The following PLEKHG1 variants were observed in gnomAD, a reference collection of about 807,000 sequenced individuals.
The protein encoded by PLEKHG1 is pleckstrin homology and RhoGEF domain containing G1.
In PLEKHG1, 44 loss-of-function variants were observed where a neutral mutation model predicts 100.8. The ratio of observed to expected loss-of-function variants is 0.44; its 90% CI spans 0.34 to 0.56. The LOEUF (loss-of-function observed/expected upper bound fraction) is 0.56. Ranked by LOEUF, PLEKHG1 falls within the 20% of genes least tolerant of loss-of-function variation. PLEKHG1 has a pLI of 0.01. For synonymous variants in PLEKHG1, 640 were observed against 662.5 expected (o/e 0.97, Z 0.52); for missense variants, 1,545 against 1,720.9 (o/e 0.90, Z 1.81).
chr6:150,616,942 C>T (rs1777098575), intron 1 of PLEKHG1, among the ~76,000 whole-genome samples: 1 of 152,002 alleles, frequency 6.6e-6, no homozygotes, highest in Non-Finnish European at 1.5e-5. Flanking sequence ...AGAATTATGA[C>T]CTCAATTGAG....
chr6:150,727,789 G>A (rs1782036791), intron 1 of PLEKHG1, among the ~76,000 whole-genome samples: 1 of 152,118 alleles, frequency 6.6e-6, no homozygotes, highest in South Asian at 2.1e-4. Context: ...AGGGTCAAAA[G>A]ATATACCTGA....
At chr6:150,773,822 C>T (rs1784821568) in intron 3 of PLEKHG1, among the ~76,000 whole-genome samples, 1 of 152,178 alleles carries the variant, frequency 6.6e-6, no homozygotes, top group Admixed American at 6.5e-5. Context: ...GTCATCCCAT[C>T]CATAAACATG....
At chr6:150,795,876 T>C (rs1453262483) in exon 5 of PLEKHG1, 2 of 1,604,638 alleles carry the variant, frequency 1.2e-6, no homozygotes, top group African/African-American at 1.3e-5. Flanking sequence ...TCCACATTTA[T>C]ACCCAGTATT....
chr6:150,823,574 G>T, intron 13 of PLEKHG1, 80 bp from the exon 15 acceptor site: 1 of 970,448 alleles, frequency 1.0e-6, no homozygotes, highest in Non-Finnish European at 1.6e-6. Flanking sequence ...AAGTTTCTAA[G>T]TTCTATAAAA....
upstream of PLEKHG1, among the ~76,000 whole-genome samples, chr6:150,717,015 C>T (rs924174356): frequency 2.0e-5 from 3 of 151,866 alleles, no homozygotes; most frequent in African/African-American, 7.3e-5. Context: ...CCCTGCCCAG[C>T]TAAGTTTTGT....
chr6:150,656,295 T>A (rs190974493), intron 3 of PLEKHG1, among the ~76,000 whole-genome samples: 1 of 152,224 alleles, frequency 6.6e-6, no homozygotes, highest in East Asian at 1.9e-4. Context: ...AAAATACTTG[T>A]TTTCTCTCAA....
intron 2 of PLEKHG1, among the ~76,000 whole-genome samples, chr6:150,649,301 T>A (rs984774228): frequency 5.9e-5 from 9 of 152,226 alleles, no homozygotes; most frequent in Non-Finnish European, 1.2e-4. Context: ...TTATTAAGTT[T>A]TTTTGTTTTT....
At position 150,606,385 on chromosome 6, in the gene PLEKHG1, C is replaced by T. The variant is rs1011237666; in HGVS notation, c.-204+6368C>T. Among the ~76,000 whole-genome samples, 5 of 152,270 alleles carry T rather than the reference C, an allele frequency of 3.3e-5. No individual in the cohort carries two copies. The East Asian group carries it at 7.7e-4, about 24-fold the overall frequency. ...AAATACTCCTTCTCTCCTCCCTATCCCACGAGCTGAGGTCCCTCTGACCCA... is the reference window on the plus strand; with the variant it reads ...AAATACTCCTTCTCTCCTCCCTATCTCACGAGCTGAGGTCCCTCTGACCCA... On this transcript the variant is annotated intron_variant, in intron 1 of 3. Transcript: ENST00000367326.
At chr6:150,780,748 C>T (rs890128938) in intron 3 of PLEKHG1, among the ~76,000 whole-genome samples, 1 of 152,150 alleles carries the variant, frequency 6.6e-6, no homozygotes, top group Non-Finnish European at 1.5e-5. Flanking sequence ...CATTCCTACG[C>T]ATGATGTTAA....
chr6:150,748,020 C>T (rs1262332611), intron 2 of PLEKHG1, among the ~76,000 whole-genome samples: 3 of 152,152 alleles, frequency 2.0e-5, no homozygotes, highest in Admixed American at 2.0e-4. Context: ...AACTGAAATT[C>T]CGCACCCAAT....
chr6:150,649,703 C>A (rs1778638370), intron 2 of PLEKHG1, among the ~76,000 whole-genome samples: 1 of 151,358 alleles, frequency 6.6e-6, no homozygotes, highest in Admixed American at 6.6e-5. Flanking sequence ...ATGGTGAAAC[C>A]CTGTCGCTAC....
intron 1 of PLEKHG1, among the ~76,000 whole-genome samples, chr6:150,621,860 A>T (rs1777314454): frequency 6.6e-6 from 1 of 152,114 alleles, no homozygotes; most frequent in South Asian, 2.1e-4. Flanking sequence ...GTTTACTTCG[A>T]TGTCTGTTTT....
intron 1 of PLEKHG1, among the ~76,000 whole-genome samples, chr6:150,620,857 C>T (rs1039471902): frequency 2.0e-5 from 3 of 152,082 alleles, no homozygotes; most frequent in Admixed American, 2.0e-4. Flanking sequence ...ATGATCAGTG[C>T]CATGAAGAAT....
chr6:150,816,632 A>G (rs927453696), intron 10 of PLEKHG1, among the ~76,000 whole-genome samples: 4 of 152,010 alleles, frequency 2.6e-5, no homozygotes, highest in Non-Finnish European at 4.4e-5. Context: ...CCTCAAACAT[A>G]CTTTTAAGGC....
chr6:150,676,143 G>A lies in PLEKHG1; in HGVS notation c.-99+25357G>A, dbSNP rs1452760118. On this transcript the variant is annotated intron_variant, in intron 3 of 3. Transcript: ENST00000367326. Reference sequence around the variant, plus strand: ...CAAAGATGCACATATTTATTGATATGAAGTTTAAAACCTTTTAGAACTAGA... The same window carrying A: ...CAAAGATGCACATATTTATTGATATAAAGTTTAAAACCTTTTAGAACTAGA... Among the ~76,000 whole-genome samples, 4 of 152,196 alleles carry A rather than the reference G, an allele frequency of 2.6e-5. 1 individual carries two copies. Among genetic ancestry groups the A allele is most frequent in the Non-Finnish European group, 5.9e-5 (4 of 68,012 alleles).
At chr6:150,614,699 T>C (rs1776990868) in intron 1 of PLEKHG1, among the ~76,000 whole-genome samples, 1 of 152,156 alleles carries the variant, frequency 6.6e-6, no homozygotes. Flanking sequence ...TCCCTCCCTC[T>C]CTCTCATTCG....
chr6:150,737,972 T>C (rs1047458251), intron 2 of PLEKHG1, among the ~76,000 whole-genome samples: 8 of 137,816 alleles, frequency 5.8e-5, no homozygotes, highest in Non-Finnish European at 9.4e-5. Context: ...CCTTGCTAAG[T>C]TTTTTTTTTT....
At chr6:150,814,353 G>A (rs1025950725) in intron 10 of PLEKHG1, among the ~76,000 whole-genome samples, 4 of 152,204 alleles carry the variant, frequency 2.6e-5, no homozygotes, top group East Asian at 1.9e-4. Context: ...CACGCTAGGC[G>A]TGTGTGCCTC....
intron 3 of PLEKHG1, among the ~76,000 whole-genome samples, chr6:150,699,992 A>G (rs1315462377): frequency 6.6e-6 from 1 of 152,210 alleles, no homozygotes; most frequent in Non-Finnish European, 1.5e-5. Context: ...TAAATAGCTC[A>G]TAGTGAGACT....
Sources: allele counts gnomAD v4.1 joint callset (sites outside exome capture counted in the v4.1 genomes callset), GRCh38; gene constraint gnomAD v4.1.1; transcripts MANE v1.5; gene names NCBI Gene and HGNC (gene_info 2026-07-23, HGNC 2026-07-21).